The following PCNX1 variants were observed in gnomAD, a reference collection of about 807,000 sequenced individuals.
PCNX1 encodes the protein pecanex-like protein 1.
In PCNX1, 78 loss-of-function variants were observed where a neutral mutation model predicts 242.2. That is an observed-to-expected ratio of 0.32 (90% CI 0.27 to 0.39). The LOEUF is 0.39. PCNX1 is among the 10% of genes least tolerant of loss of function. PCNX1 has a pLI of 1.00. For synonymous variants in PCNX1, 1,024 were observed against 1,032.9 expected, an observed-to-expected ratio of 0.99 and a Z score of 0.17; for missense variants, 2,581 against 2,856.5, an observed-to-expected ratio of 0.90 and a Z score of 2.20.
chr14:71,110,294 C>A lies in PCNX1; in HGVS notation c.*359C>A. 1 of 314,310 alleles carries A rather than the reference C, an allele frequency of 3.2e-6. No homozygotes were observed. Among genetic ancestry groups the A allele is most frequent in the East Asian group, 8.6e-5 (1 of 11,654 alleles). 19.5% of individuals were successfully genotyped at this position (314,310 alleles called of 1,614,324 possible). A position where few individuals can be genotyped will look rare whatever the true frequency, so the allele number is the denominator to read the frequency against. ...CTATGATCTCATATTTTTCTAATTT[C>A]TTTGCCAAAAATAATTGCCATGTTT... On this transcript the variant is annotated 3_prime_UTR_variant, in exon 36 of 36. Transcript: ENST00000304743.
At chr14:71,099,375 G>A (rs553925721) in intron 30 of PCNX1, among the ~76,000 whole-genome samples, 32 of 152,174 alleles carry the variant, frequency 2.1e-4, no homozygotes, top group Non-Finnish European at 3.7e-4. Context: ...AGCCAGGATG[G>A]TCTCGATCTC....
intron 26 of PCNX1, among the ~76,000 whole-genome samples, chr14:71,070,076 T>C (rs2141388145): frequency 6.6e-6 from 1 of 152,328 alleles, no homozygotes; most frequent in East Asian, 1.9e-4. Context: ...ACATCTTCAC[T>C]TAGGAGTCAA....
At chr14:71,007,759 A>G (rs1444185253) in intron 8 of PCNX1, among the ~76,000 whole-genome samples, 1 of 152,084 alleles carries the variant, frequency 6.6e-6, no homozygotes, top group Non-Finnish European at 1.5e-5. Context: ...TGCAATTAAA[A>G]TTTTTTTAAT....
At chr14:71,072,138 G>A (rs1252563383) in intron 26 of PCNX1, among the ~76,000 whole-genome samples, 1 of 152,168 alleles carries the variant, frequency 6.6e-6, no homozygotes, top group East Asian at 1.9e-4. Flanking sequence ...GTGATCCAGA[G>A]ACAGGAAGTG....
At chr14:71,003,080 C>CTTTATTTTTTTTT (rs2059553104) in intron 8 of PCNX1, among the ~76,000 whole-genome samples, 1 of 95,474 alleles carries the variant, frequency 1.0e-5, no homozygotes, top group East Asian at 3.3e-4. Flanking sequence ...TGGTTGTCTT[C>CTTTATTTTTTTTT]TTTTTTTTTT....
chr14:70,939,885 G>A (rs1282058767), intron 1 of PCNX1, among the ~76,000 whole-genome samples: 5 of 152,116 alleles, frequency 3.3e-5, no homozygotes, highest in African/African-American at 1.2e-4. Flanking sequence ...GTTATGCAAT[G>A]GCCTTCTTTG....
rs548724625 is a variant in PCNX1, at chr14:70,923,996, C to T, written c.153+15993C>T. Among the ~76,000 whole-genome samples, 15 of 152,036 alleles carry T rather than the reference C, an allele frequency of 9.9e-5. No individual in the cohort carries two copies. The East Asian group carries it at 2.5e-3, about 25-fold the overall frequency. ...CTGTAATCCCAGCACTTTGGGAGGCCGAGGCAGGCAGATTGCTTGAGTCCA... is the reference window on the plus strand; with the variant it reads ...CTGTAATCCCAGCACTTTGGGAGGCTGAGGCAGGCAGATTGCTTGAGTCCA... On this transcript the variant is annotated intron_variant, in intron 1 of 35. Coordinates refer to ENST00000304743, the MANE Select transcript of PCNX1 (RefSeq NM_014982.3).
Position 71,034,005 on chromosome 14 carries a change from A to G in PCNX1, c.3743A>G (p.Asp1248Gly). The change falls in exon 18 of 36, where the codon GAT (aspartate) becomes GGT (glycine). Residue 1248 changes from aspartate (D) to glycine (G), a missense_variant. Transcript: ENST00000304743. ...NPEDPLSEVK[D>G]PLPEKLRNSV... is the part of the protein sequence containing the mutation. ...GAAGACCCTCTATCTGAAGTAAAAG[A>G]TCCACTGCCTGAAAAACTTAGAAAT... is the stretch of plus-strand genomic sequence containing the variant. The G allele has an allele frequency of 6.2e-7, 1 of 1,604,672 alleles. No individual in the cohort carries two copies. The highest frequency in any genetic ancestry group is 8.5e-7 in the Non-Finnish European group (1 of 1,174,196).
rs1038784179 is a variant in PCNX1 at position 70,907,623 on chromosome 14, T to G, written c.-228T>G. 175 of 305,272 alleles carry G rather than the reference T, an allele frequency of 5.7e-4. No individual in the cohort carries two copies. Among genetic ancestry groups the G allele is most frequent in the Admixed American group, 9.3e-4 (17 of 18,276 alleles). 18.9% of individuals were successfully genotyped at this position (305,272 alleles called of 1,614,324 possible). A position where few individuals can be genotyped will look rare whatever the true frequency, so the allele number is the denominator to read the frequency against. ...GCCGGTCTCCTCCTCTCCGCCGTCC[T>G]CCGCCCCGCCGCTCGCCGCCTCCTC... is the stretch of plus-strand genomic sequence containing the variant. On this transcript the variant is annotated 5_prime_UTR_variant, in exon 1 of 36. Transcript: ENST00000304743.
At chr14:71,102,555 C>T (rs2141834135) in intron 31 of PCNX1, among the ~76,000 whole-genome samples, 1 of 152,230 alleles carries the variant, frequency 6.6e-6, no homozygotes, top group East Asian at 1.9e-4. Context: ...TGTGAGCCAC[C>T]ACGCCCAGCC....
intron 26 of PCNX1, among the ~76,000 whole-genome samples, chr14:71,072,646 AATT>A (rs1413998582): frequency 6.6e-6 from 1 of 152,208 alleles, no homozygotes; most frequent in Non-Finnish European, 1.5e-5. Context: ...AAAGAAAAAA[AATT>A]ATTGTGCAGC....
intron 7 of PCNX1, among the ~76,000 whole-genome samples, chr14:70,991,774 A>G (rs1438920314): frequency 6.6e-6 from 1 of 152,208 alleles, no homozygotes; most frequent in East Asian, 1.9e-4. Context: ...CAGAATAGTA[A>G]TCTCGTCTTT....
rs555121194 is a variant in PCNX1, at chr14:70,984,415, C to G, written c.2312-4152C>G. On this transcript the variant is annotated intron_variant, in intron 6 of 35. Transcript: ENST00000304743. ...CATCATTTTTTTTTTGAGACGGAGT[C>G]TCACTCTGTTGCCCAGGCTGTAGTG... 8.8e-4 allele frequency among the ~76,000 whole-genome samples: 133 copies of G among 151,032 alleles called. 7 individuals carry two copies. The South Asian group carries it at 0.018, about 21-fold the overall frequency.
At chr14:70,961,212 A>G (rs1197255401) in intron 2 of PCNX1, among the ~76,000 whole-genome samples, 4 of 152,178 alleles carry the variant, frequency 2.6e-5, no homozygotes, top group Admixed American at 6.5e-5. Flanking sequence ...CGCCAAGTCA[A>G]TCCTAAGCCA....
Position 70,912,108 on chromosome 14 carries a change from G to A in PCNX1, c.153+4105G>A, listed in dbSNP as rs374264742. Among the ~76,000 whole-genome samples, 37 of 152,094 alleles carry A rather than the reference G, an allele frequency of 2.4e-4. No individual in the cohort carries two copies. In the East Asian group the frequency reaches 6.2e-3, roughly 25 times the overall value. ...AAATTAGCCGGGCATGGTGGCGGGC[G>A]CCTGTAGTCCCAGCTACTCGGGAGG... is the stretch of plus-strand genomic sequence containing the variant. On this transcript the variant is annotated intron_variant, in intron 1 of 35. Coordinates refer to ENST00000304743, the MANE Select transcript of PCNX1 (RefSeq NM_014982.3).
chr14:71,019,101 G>C lies in PCNX1; in HGVS notation c.3089G>C (p.Arg1030Thr), dbSNP rs1307600585. The change falls in exon 12 of 36, where the codon AGA becomes ACA. Residue 1030 changes from arginine to threonine, a missense_variant. Arg to Thr is a moderately conservative substitution (Grantham distance 71, BLOSUM62 -1). Around this residue, in one of 9 missense-constraint regions of PCNX1, gnomAD observed 55 missense variants for 49.8 expected, o/e 1.10. Coordinates refer to ENST00000304743, the MANE Select transcript of PCNX1 (RefSeq NM_014982.3). ...GSILLIQGFF[R>T]DIWVFQFCLV... ...ATTCTTCTCATACAAGGATTCTTCA[G>C]AGATATCTGGGTCTTCCAGTTCTGC... 1 of 1,613,458 alleles carries C rather than the reference G, an allele frequency of 6.2e-7. No homozygotes were observed. Among genetic ancestry groups the C allele is most frequent in the African/African-American group, 1.3e-5 (1 of 74,890 alleles).
At chr14:71,067,643 G>C (rs908680708) in intron 26 of PCNX1, among the ~76,000 whole-genome samples, 14 of 151,950 alleles carry the variant, frequency 9.2e-5, no homozygotes, top group African/African-American at 2.9e-4. Context: ...CTTGTCTTCT[G>C]CTACCTTTTG....
chr14:71,020,332 G>C (rs924326091), intron 12 of PCNX1, among the ~76,000 whole-genome samples: 11 of 152,148 alleles, frequency 7.2e-5, no homozygotes, highest in African/African-American at 2.4e-4. Context: ...GGTATTTCTG[G>C]TTCTGGATCC....
intron 27 of PCNX1, among the ~76,000 whole-genome samples, chr14:71,075,118 C>A (rs2061683816): frequency 1.3e-5 from 2 of 151,500 alleles, no homozygotes; most frequent in Admixed American, 6.6e-5. Flanking sequence ...CGTTAACCTC[C>A]TGAGTAACTG....
Sources: gnomAD v4.1 joint callset for allele counts (sites outside exome capture counted in the v4.1 genomes callset) on GRCh38, gnomAD v4.1.1 for gene constraint, gnomAD v4.1.1 regional missense constraint, MANE v1.5 for transcripts, NCBI Gene and HGNC (gene_info 2026-07-23, HGNC 2026-07-21) for gene names.